The following CCSER1 variants were observed in gnomAD, a reference collection of about 807,000 sequenced individuals.
CCSER1 encodes coiled-coil serine rich protein 1.
In CCSER1, 41 loss-of-function variants were observed where a neutral mutation model predicts 82.0. The observed-to-expected ratio is 0.50, with a 90% CI of 0.39 to 0.65. CCSER1 has a LOEUF of 0.65. Ranked by LOEUF, CCSER1 falls within the 30% of genes least tolerant of loss-of-function variation. The pLI, the probability that CCSER1 is intolerant of heterozygous loss-of-function variation, is 0.00. For missense variants in CCSER1, 1,119 were observed against 1,064.2 expected, an observed-to-expected ratio of 1.05 and a Z score of -0.72; for synonymous variants, 414 against 383.9, an observed-to-expected ratio of 1.08 and a Z score of -0.92.
chr4:91,482,249 A>C, intron 10 of CCSER1, among the ~76,000 whole-genome samples: 1 of 133,920 alleles, frequency 7.5e-6, no homozygotes, highest in East Asian at 2.3e-4. Flanking sequence ...AAAAATACAA[A>C]AAATTAGCCG....
At chr4:90,299,171 T>C (rs1003926662) in intron 1 of CCSER1, among the ~76,000 whole-genome samples, 4 of 152,132 alleles carry the variant, frequency 2.6e-5, no homozygotes, top group Admixed American at 6.6e-5. Flanking sequence ...TTCTTTCAAA[T>C]GTGTTCTTCC....
intron 5 of CCSER1, among the ~76,000 whole-genome samples, chr4:90,480,237 T>G (rs1490796814): frequency 1.3e-5 from 2 of 152,210 alleles, no homozygotes; most frequent in Non-Finnish European, 2.9e-5. Flanking sequence ...TGTTTTTTTC[T>G]TGTAAATTTG....
intron 1 of CCSER1, among the ~76,000 whole-genome samples, chr4:90,149,619 C>A (rs181159432): frequency 1.3e-5 from 2 of 152,012 alleles, no homozygotes; most frequent in Non-Finnish European, 2.9e-5. Context: ...AATAAACTTA[C>A]GAATATCTTT....
chr4:90,607,348 ATTAG>A (rs760051207), intron 5 of CCSER1, among the ~76,000 whole-genome samples: 224 of 152,292 alleles, frequency 1.5e-3, no homozygotes, highest in Non-Finnish European at 2.8e-3. Context: ...AGGAGCATTT[ATTAG>A]TTTGCTAAGG....
At chr4:91,408,017 G>A (rs1234634279) in intron 10 of CCSER1, among the ~76,000 whole-genome samples, 1 of 152,010 alleles carries the variant, frequency 6.6e-6, no homozygotes, top group African/African-American at 2.4e-5. Context: ...GCTCAGCCTA[G>A]GAGCTGATAG....
Position 90,483,714 on chromosome 4 carries a change from G to A in CCSER1, c.1724+15360G>A, listed in dbSNP as rs188293600. Among the ~76,000 whole-genome samples, 10 of 152,294 alleles carry A rather than the reference G, an allele frequency of 6.6e-5. No homozygotes were observed. The East Asian group carries it at 1.7e-3, about 26-fold the overall frequency. ...TGAATATTGGCCCCCACTCTCTTCT[G>A]GCTTGTAGAGTTTCTGCTGAGAGAT... is the stretch of plus-strand genomic sequence containing the variant. On this transcript the variant is annotated intron_variant, in intron 5 of 10. Coordinates refer to ENST00000509176, the MANE Select transcript of CCSER1 (RefSeq NM_001145065.2).
At chr4:90,545,981 A>C (rs1776701108) in intron 5 of CCSER1, among the ~76,000 whole-genome samples, 1 of 152,124 alleles carries the variant, frequency 6.6e-6, no homozygotes, top group African/African-American at 2.4e-5. Flanking sequence ...ATAAATACAG[A>C]GTACAGCATG....
At chr4:90,447,457 G>C (rs1457837206) in intron 4 of CCSER1, among the ~76,000 whole-genome samples, 1 of 152,124 alleles carries the variant, frequency 6.6e-6, no homozygotes, top group Non-Finnish European at 1.5e-5. Flanking sequence ...GAAGGGGCAG[G>C]AATTTCTGTC....
intron 10 of CCSER1, among the ~76,000 whole-genome samples, chr4:91,377,810 A>G (rs1030153911): frequency 6.6e-6 from 1 of 152,184 alleles, no homozygotes; most frequent in Non-Finnish European, 1.5e-5. Flanking sequence ...TGTTTTAGAC[A>G]TGAAGTCCTT....
chr4:91,326,179 T>C (rs1264313664), intron 10 of CCSER1, among the ~76,000 whole-genome samples: 1 of 152,188 alleles, frequency 6.6e-6, no homozygotes, highest in African/African-American at 2.4e-5. Context: ...TTATAACCAC[T>C]GCATTATTCT....
rs1390544111 is a variant in CCSER1, at chr4:90,939,071, C to T, written c.2172+15624C>T. On this transcript the variant is annotated intron_variant, in intron 9 of 10. Transcript: ENST00000509176. ...CTCTTCTCATCCATGTCATTGGTCT[C>T]CCTTGTTATAGTCTTAATTTAATTT... Among the ~76,000 whole-genome samples the T allele has an allele frequency of 3.3e-5, 5 of 152,062 alleles. No homozygotes were observed. The East Asian group carries it at 9.6e-4, about 29-fold the overall frequency.
chr4:90,651,802 G>C (rs1728803241), intron 6 of CCSER1, among the ~76,000 whole-genome samples: 1 of 152,144 alleles, frequency 6.6e-6, no homozygotes, highest in African/African-American at 2.4e-5. Flanking sequence ...AGTTTTGGCA[G>C]GTTTGCTAGC....
chr4:90,159,629 G>A (rs988685024), intron 1 of CCSER1, among the ~76,000 whole-genome samples: 1 of 152,180 alleles, frequency 6.6e-6, no homozygotes, highest in African/African-American at 2.4e-5. Context: ...ATTTTTCAAA[G>A]CTTTTTATCT....
intron 6 of CCSER1, among the ~76,000 whole-genome samples, chr4:90,640,563 T>A (rs1726312321): frequency 6.6e-6 from 1 of 152,134 alleles, no homozygotes; most frequent in Admixed American, 6.6e-5. Context: ...TATGATATGA[T>A]TAGGCTTTAC....
chr4:90,439,278 A>G (rs1468812890), intron 4 of CCSER1, among the ~76,000 whole-genome samples: 1 of 152,174 alleles, frequency 6.6e-6, no homozygotes, highest in Non-Finnish European at 1.5e-5. Context: ...ACAGAGCAAG[A>G]TTCCTTCTCC....
rs535410704 is a variant in CCSER1, at chr4:91,542,306, G to A, written c.2218-56266G>A. ...TTTTAGTCATGAAGTCCTTGTCCAT[G>A]CCTATGTCCTGAATGGTATTGCCTA... On this transcript the variant is annotated intron_variant, in intron 10 of 10. Coordinates refer to ENST00000509176, the MANE Select transcript of CCSER1 (RefSeq NM_001145065.2). Among the ~76,000 whole-genome samples, 421 of 152,250 alleles carry A rather than the reference G, an allele frequency of 2.8e-3. 2 individuals are homozygous for A. The highest frequency in any genetic ancestry group is 0.016 in the South Asian group (79 of 4,822).
At chr4:90,192,517 G>A (rs57711133) in intron 1 of CCSER1, among the ~76,000 whole-genome samples, 2 of 151,818 alleles carry the variant, frequency 1.3e-5, no homozygotes, top group Admixed American at 6.6e-5. Context: ...CTGGATTTGC[G>A]ACCATTGCCG....
At chr4:91,385,024 A>C (rs1319003505) in intron 10 of CCSER1, among the ~76,000 whole-genome samples, 3 of 152,208 alleles carry the variant, frequency 2.0e-5, no homozygotes, top group East Asian at 3.9e-4. Context: ...AGAACTTGGC[A>C]ATATATAAGA....
rs1553921458 is a variant in CCSER1, at chr4:91,296,479, A to ATTTATT, written c.2217+210486_2217+210487insTTATTT. Among the ~76,000 whole-genome samples, 20 of 105,626 alleles carry ATTTATT rather than the reference A, an allele frequency of 1.9e-4. 1 individual carries two copies. The highest frequency in any genetic ancestry group is 8.7e-4 in the African/African-American group (19 of 21,836). The allele number at this position is 105,626 out of a possible 152,430, so 69.3% of individuals were successfully genotyped here. A position where few individuals can be genotyped will look rare whatever the true frequency, so the allele number is the denominator to read the frequency against. On this transcript the variant is annotated intron_variant, in intron 10 of 10. Coordinates refer to ENST00000509176, the MANE Select transcript of CCSER1 (RefSeq NM_001145065.2). Reference sequence around the variant, plus strand: ...TATATATATATATGTATATATATATATATATATTTTAATTAAATATACAGT... The same window carrying ATTTATT: ...TATATATATATATGTATATATATATATTTATTTATATATTTTAATTAAATATACAGT...
Sources: gnomAD v4.1 joint callset for allele counts (sites outside exome capture counted in the v4.1 genomes callset) on GRCh38, gnomAD v4.1.1 for gene constraint, MANE v1.5 for transcripts, NCBI Gene and HGNC (gene_info 2026-07-23, HGNC 2026-07-21) for gene names.